ANKS1B: variants seen among roughly 807,000 people sequenced by gnomAD.
The protein encoded by ANKS1B is ankyrin repeat and sterile alpha motif domain-containing protein 1B.
ANKS1B carries 36 observed loss-of-function variants against 148.3 expected under a neutral mutation model. That is an observed-to-expected ratio of 0.24 (90% CI 0.19 to 0.32). The LOEUF (loss-of-function observed/expected upper bound fraction) is 0.32, where lower values mean the gene tolerates loss of function less well. ANKS1B is among the 10% of genes least tolerant of loss of function. The pLI is 1.00. For missense variants in ANKS1B, 1,157 were observed against 1,542.6 expected, an observed-to-expected ratio of 0.75 and a Z score of 4.19; for synonymous variants, 542 against 560.8, an observed-to-expected ratio of 0.97 and a Z score of 0.47.
intron 12 of ANKS1B, among the ~76,000 whole-genome samples, chr12:99,303,259 G>A (rs2081921386): frequency 6.6e-6 from 1 of 152,114 alleles, no homozygotes; most frequent in Admixed American, 6.5e-5. Flanking sequence ...ACACATCATA[G>A]ATGAAATGCA....
At chr12:99,301,687 C>T (rs1439128603) in intron 12 of ANKS1B, among the ~76,000 whole-genome samples, 2 of 151,744 alleles carry the variant, frequency 1.3e-5, no homozygotes, top group Non-Finnish European at 2.9e-5. Context: ...TTCCCAAAGT[C>T]AGAAAAAGAT....
At chr12:99,477,475 T>C (rs1404063235) in intron 10 of ANKS1B, among the ~76,000 whole-genome samples, 2 of 144,696 alleles carry the variant, frequency 1.4e-5, no homozygotes, top group Non-Finnish European at 3.1e-5. Context: ...CAGCCTACTC[T>C]AGAGCCAGAC....
intron 1 of ANKS1B, among the ~76,000 whole-genome samples, chr12:99,923,192 C>T (rs1027613040): frequency 2.6e-5 from 4 of 152,174 alleles, no homozygotes; most frequent in Admixed American, 2.6e-4. Context: ...CATTAACTAC[C>T]TGTCATGTGC....
intron 12 of ANKS1B, among the ~76,000 whole-genome samples, chr12:99,325,336 GTGAAATCATTGA>G (rs1298229155): frequency 3.9e-5 from 6 of 152,078 alleles, no homozygotes; most frequent in Non-Finnish European, 1.5e-5. Flanking sequence ...TGTGAGAATG[GTGAAATCATTGA>G]TGCTTTATGA....
chr12:99,087,816 T>C (rs1390713522), intron 15 of ANKS1B, among the ~76,000 whole-genome samples: 1 of 152,194 alleles, frequency 6.6e-6, no homozygotes, highest in African/African-American at 2.4e-5. Flanking sequence ...ATAGCTACTA[T>C]CTCTAGGTAA....
chr12:99,223,756 CCTTCAGG>C (rs1433567914), intron 14 of ANKS1B, among the ~76,000 whole-genome samples: 1 of 152,144 alleles, frequency 6.6e-6, no homozygotes, highest in African/African-American at 2.4e-5. Context: ...GGCCTGTCTG[CCTTCAGG>C]CTTTCCACAC....
intron 12 of ANKS1B, among the ~76,000 whole-genome samples, chr12:99,390,665 C>T (rs778382153): frequency 2.6e-5 from 4 of 152,230 alleles, no homozygotes; most frequent in Non-Finnish European, 4.4e-5. Context: ...GGCAGGGCCA[C>T]ATCCCATTAA....
intron 8 of ANKS1B, among the ~76,000 whole-genome samples, chr12:99,713,071 T>C (rs2153539117): frequency 6.6e-6 from 1 of 152,340 alleles, no homozygotes; most frequent in East Asian, 1.9e-4. Flanking sequence ...TCAAAAACTT[T>C]GTGGGTCTCC....
intron 9 of ANKS1B, among the ~76,000 whole-genome samples, chr12:99,544,656 CATT>C (rs1315100000): frequency 3.9e-5 from 6 of 152,096 alleles, no homozygotes; most frequent in African/African-American, 1.4e-4. Context: ...CAAACACCTA[CATT>C]ATTTAGTCAT....
chr12:98,798,626 G>A (rs1258819335), intron 22 of ANKS1B, among the ~76,000 whole-genome samples: 1 of 152,062 alleles, frequency 6.6e-6, no homozygotes, highest in Non-Finnish European at 1.5e-5. Context: ...TTCAGTGCGT[G>A]CTTAAAACCT....
rs532147307 is a variant in ANKS1B at position 99,688,507 on chromosome 12, G to C, written c.1129-33297C>G. 3.4e-4 allele frequency among the ~76,000 whole-genome samples: 52 copies of C among 152,234 alleles called. 1 individual carries two copies. The highest frequency in any genetic ancestry group is 1.3e-3 in the African/African-American group (52 of 41,544). ...ATTCCCAAAATAACAAATGCCTCTT[G>C]ATGAGAGACTGATCGTTTTCGGAAA... On this transcript the variant is annotated intron_variant, in intron 8 of 26. Transcript: ENST00000683438.
chr12:99,505,482 A>G (rs1210975165), intron 9 of ANKS1B, among the ~76,000 whole-genome samples: 4 of 151,840 alleles, frequency 2.6e-5, no homozygotes, highest in Admixed American at 2.0e-4. Flanking sequence ...GTCCAGTTCT[A>G]TATGATTGAT....
intron 1 of ANKS1B, among the ~76,000 whole-genome samples, chr12:99,868,582 T>C (rs2091060314): frequency 6.6e-6 from 1 of 151,948 alleles, no homozygotes; most frequent in Non-Finnish European, 1.5e-5. Context: ...AGAATAAAAA[T>C]ACATAGCAAG....
chr12:99,063,254 G>A (rs1167132635), intron 16 of ANKS1B, among the ~76,000 whole-genome samples: 2 of 152,186 alleles, frequency 1.3e-5, no homozygotes, highest in East Asian at 1.9e-4. Flanking sequence ...AGCTGATATC[G>A]TCAGGTACTT....
At chr12:99,887,042 G>A (rs2092858009) in intron 1 of ANKS1B, among the ~76,000 whole-genome samples, 1 of 152,124 alleles carries the variant, frequency 6.6e-6, no homozygotes, top group African/African-American at 2.4e-5. Flanking sequence ...TTTCAACCTG[G>A]CCTTGTAGAA....
At chr12:99,067,878 ATG>A (rs10632657) in intron 16 of ANKS1B, among the ~76,000 whole-genome samples, 64 of 149,344 alleles carry the variant, frequency 4.3e-4, no homozygotes, top group African/African-American at 8.1e-4. Context: ...GTGTGTGTGC[ATG>A]TGTGTGTGTG....
chr12:99,293,405 C>T (rs1357850024), intron 12 of ANKS1B, among the ~76,000 whole-genome samples: 1 of 152,092 alleles, frequency 6.6e-6, no homozygotes, highest in Non-Finnish European at 1.5e-5. Flanking sequence ...ATATAAATTA[C>T]AAGTTGATGG....
chr12:99,931,646 A>G (rs950183004), intron 1 of ANKS1B, among the ~76,000 whole-genome samples: 5 of 152,122 alleles, frequency 3.3e-5, no homozygotes, highest in African/African-American at 4.8e-5. Flanking sequence ...AGAATGTTTT[A>G]TTTTTATGGG....
intron 9 of ANKS1B, among the ~76,000 whole-genome samples, chr12:99,577,292 CAAATAAATAAATAAAT>C (rs71303566): frequency 3.0e-4 from 43 of 144,744 alleles, no homozygotes; most frequent in African/African-American, 8.3e-4. Flanking sequence ...CTGTTCACAT[CAAATAAATAAATAAAT>C]AAATAAATAA....
Sources: gnomAD v4.1 joint callset for allele counts (sites outside exome capture counted in the v4.1 genomes callset) on GRCh38, gnomAD v4.1.1 for gene constraint, MANE v1.5 for transcripts, NCBI Gene and HGNC (gene_info 2026-07-23, HGNC 2026-07-21) for gene names.